The following TNFAIP8L3 variants were observed in gnomAD, a reference collection of about 807,000 sequenced individuals.
TNFAIP8L3 encodes the protein TNF alpha induced protein 8 like 3.
TNFAIP8L3 carries 7 observed loss-of-function variants against 11.8 expected under a neutral mutation model. That is an observed-to-expected ratio of 0.59 (90% CI 0.34 to 1.11). The LOEUF (loss-of-function observed/expected upper bound fraction) is 1.11. Ranked by LOEUF, TNFAIP8L3 falls within the 50% of genes most tolerant of loss-of-function variation. TNFAIP8L3 has a pLI of 0.03. For missense variants in TNFAIP8L3, 219 were observed against 258.6 expected (o/e 0.85, Z 1.05); for synonymous variants, 98 against 103.8 (o/e 0.94, Z 0.34).
Position 51,094,697 on chromosome 15 carries a change from G to C in TNFAIP8L3, c.-102C>G. On this transcript the variant is annotated 5_prime_UTR_variant, in exon 1 of 2. Transcript: ENST00000637513. This position sits in a 1 kb window ranked among gnomAD's most constrained non-coding sequence, Gnocchi z 4.4. ...GCGGACAGCGGGGCGGCTGGAGCCC[G>C]GGCGGCGCGGGCGGCGCGGGCTGGG... The C allele has an allele frequency of 1.7e-6, 1 of 598,028 alleles. No homozygotes were observed. Among genetic ancestry groups the C allele is most frequent in the Non-Finnish European group, 2.0e-6 (1 of 487,850 alleles). The allele number at this position is 598,028 out of a possible 1,614,324, so 37.0% of individuals were successfully genotyped here.
Position 51,066,735 on chromosome 15 carries a change from C to T in TNFAIP8L3, c.53-8292G>A, listed in dbSNP as rs535705947. On this transcript the variant is annotated intron_variant, in intron 1 of 1. Transcript: ENST00000637513. ...ATGATAAAATGCTTCCTCAAGAAGA[C>T]ACTGCTTCTGCTTTAGGTTTTGGAT... Among the ~76,000 whole-genome samples the T allele has an allele frequency of 9.8e-5, 15 of 152,290 alleles. No individual in the cohort carries two copies. The South Asian group carries it at 1.4e-3, about 15-fold the overall frequency.
chr15:51,081,587 C>G (rs1247338890), intron 1 of TNFAIP8L3, among the ~76,000 whole-genome samples: 2 of 152,256 alleles, frequency 1.3e-5, no homozygotes, highest in Non-Finnish European at 2.9e-5. Flanking sequence ...TCACATGCTG[C>G]TCAGACCTCA....
rs2065499220 is a variant in TNFAIP8L3, at chr15:51,094,736, C to T, written c.-141G>A. ...GCGCGGGCTGGGCGGTGCGCGGCGG[C>T]AGCGGCCAGGGGGCGGCTCCGCAGA... On this transcript the variant is annotated 5_prime_UTR_variant, in exon 1 of 2. Coordinates refer to ENST00000637513, the MANE Select transcript of TNFAIP8L3 (RefSeq NM_001311175.2). The surrounding 1 kb of genome is among the most constrained non-coding windows in gnomAD (Gnocchi z 4.4). 2 of 979,044 alleles carry T rather than the reference C, an allele frequency of 2.0e-6. No homozygotes were observed. Among genetic ancestry groups the T allele is most frequent in the South Asian group, 4.6e-5 (1 of 21,880 alleles). 60.6% of individuals were successfully genotyped at this position (979,044 alleles called of 1,614,324 possible). A position where few individuals can be genotyped will look rare whatever the true frequency, so the allele number is the denominator to read the frequency against.
chr15:51,077,966 T>G, intron 1 of TNFAIP8L3, among the ~76,000 whole-genome samples: 1 of 152,238 alleles, frequency 6.6e-6, no homozygotes, highest in Non-Finnish European at 1.5e-5. Flanking sequence ...CCTGGTCATG[T>G]GACAAGAACC....
At chr15:51,074,593 C>T (rs1226930253) in intron 1 of TNFAIP8L3, among the ~76,000 whole-genome samples, 3 of 152,206 alleles carry the variant, frequency 2.0e-5, no homozygotes, top group Non-Finnish European at 2.9e-5. Flanking sequence ...CTACCAGAGG[C>T]CTGCTTGCCC....
chr15:51,083,808 A>G (rs2065408680), intron 1 of TNFAIP8L3, among the ~76,000 whole-genome samples: 1 of 152,108 alleles, frequency 6.6e-6, no homozygotes. Flanking sequence ...AGGCTGGATC[A>G]CCCCAGGCAG....
At chr15:51,102,088 G>T (rs549774435) in intron 1 of TNFAIP8L3, among the ~76,000 whole-genome samples, 2 of 152,228 alleles carry the variant, frequency 1.3e-5, no homozygotes, top group South Asian at 4.1e-4. Flanking sequence ...ATGACCATGG[G>T]TAGGGGTATT....
intron 1 of TNFAIP8L3, among the ~76,000 whole-genome samples, chr15:51,076,438 TTCTC>T (rs935274918): frequency 4.6e-5 from 7 of 152,172 alleles, no homozygotes; most frequent in Non-Finnish European, 1.0e-4. Flanking sequence ...AAATGTGACT[TTCTC>T]TCAGGCTTCC....
intron 1 of TNFAIP8L3, among the ~76,000 whole-genome samples, chr15:51,103,367 G>C (rs954792129): frequency 2.6e-5 from 4 of 152,148 alleles, no homozygotes; most frequent in Admixed American, 1.3e-4. Flanking sequence ...TGCAGAGAAG[G>C]GAATTCCTTC....
intron 1 of TNFAIP8L3, among the ~76,000 whole-genome samples, chr15:51,078,139 C>A (rs2065367935): frequency 6.6e-6 from 1 of 152,044 alleles, no homozygotes; most frequent in Non-Finnish European, 1.5e-5. Flanking sequence ...AGGGAATGGC[C>A]ACGGCAGGAC....
intron 1 of TNFAIP8L3, among the ~76,000 whole-genome samples, chr15:51,086,628 C>A (rs1321040483): frequency 6.6e-6 from 1 of 151,926 alleles, no homozygotes; most frequent in African/African-American, 2.4e-5. Flanking sequence ...CAACCCTGAG[C>A]AGGTTACTTA....
At chr15:51,061,763 C>T (rs911974220) in intron 1 of TNFAIP8L3, among the ~76,000 whole-genome samples, 5 of 151,878 alleles carry the variant, frequency 3.3e-5, no homozygotes, top group South Asian at 2.1e-4. Flanking sequence ...TCCTTTGGAG[C>T]GAGTTATCAT....
chr15:51,101,505 C>T (rs1290419739), intron 1 of TNFAIP8L3, among the ~76,000 whole-genome samples: 1 of 152,028 alleles, frequency 6.6e-6, no homozygotes, highest in Non-Finnish European at 1.5e-5. Context: ...CCTATAATCC[C>T]AGCTACTCGG....
chr15:51,060,908 G>T (rs533194428), intron 1 of TNFAIP8L3, among the ~76,000 whole-genome samples: 3 of 152,158 alleles, frequency 2.0e-5, no homozygotes, highest in Non-Finnish European at 4.4e-5. Context: ...GGCTGAGGCG[G>T]GTGGATCAGT....
At chr15:51,093,715 G>A (rs1789373445) in intron 1 of TNFAIP8L3, among the ~76,000 whole-genome samples, 1 of 152,184 alleles carries the variant, frequency 6.6e-6, no homozygotes, top group Non-Finnish European at 1.5e-5. Flanking sequence ...TAGGTGCGTA[G>A]ACCCGTGGGT....
At chr15:51,100,965 C>T (rs566106522) in intron 1 of TNFAIP8L3, among the ~76,000 whole-genome samples, 12 of 152,300 alleles carry the variant, frequency 7.9e-5, no homozygotes, top group African/African-American at 2.6e-4. Flanking sequence ...CTGCATTTGC[C>T]GGGCCCCTGT....
chr15:51,084,202 G>A (rs931268660), intron 1 of TNFAIP8L3, among the ~76,000 whole-genome samples: 1 of 152,078 alleles, frequency 6.6e-6, no homozygotes, highest in African/African-American at 2.4e-5. Flanking sequence ...GTGTGTGTGT[G>A]TATGCACATT....
chr15:51,068,100 A>G (rs796266507), intron 1 of TNFAIP8L3, among the ~76,000 whole-genome samples: 3 of 152,326 alleles, frequency 2.0e-5, no homozygotes, highest in African/African-American at 7.2e-5. Context: ...AGATAGTTAA[A>G]TGCCTCGTGT....
chr15:51,082,806 G>A (rs1029636267), intron 1 of TNFAIP8L3, among the ~76,000 whole-genome samples: 1 of 151,960 alleles, frequency 6.6e-6, no homozygotes, highest in Non-Finnish European at 1.5e-5. Flanking sequence ...GCCGACAAAG[G>A]GTCAAGATCG....
Sources: allele counts gnomAD v4.1 joint callset (sites outside exome capture counted in the v4.1 genomes callset), GRCh38; gene constraint gnomAD v4.1.1; non-coding constraint Gnocchi (gnomAD v3.1); transcripts MANE v1.5; gene names NCBI Gene and HGNC (gene_info 2026-07-23, HGNC 2026-07-21).